The following KIAA1586 variants were observed in gnomAD, a reference collection of about 807,000 sequenced individuals.
KIAA1586 encodes KIAA1586, also known as E3 SUMO-protein ligase KIAA1586.
KIAA1586 carries 5 observed loss-of-function variants against 6.1 expected under a neutral mutation model. That is an observed-to-expected ratio of 0.82 (90% CI 0.43 to 1.73). The LOEUF (loss-of-function observed/expected upper bound fraction) is 1.73, where lower values mean the gene tolerates loss of function less well. Among genes scored for constraint, KIAA1586 ranks in the 40% most tolerant of loss-of-function variants. The pLI is 0.02. For missense variants in KIAA1586, 899 were observed against 878.2 expected, an observed-to-expected ratio of 1.02 and a Z score of -0.30; for synonymous variants, 280 against 301.7, an observed-to-expected ratio of 0.93 and a Z score of 0.75.
chr6:57,050,970 T>A (rs530595852), intron 3 of KIAA1586, 116 bp downstream of exon 3: 1 of 722,248 alleles, frequency 1.4e-6, no homozygotes, highest in East Asian at 3.0e-5. Flanking sequence ...TGGCTCTCGC[T>A]TGTAATCCCA....
chr6:57,056,076 T>C (rs867923057), downstream of KIAA1586, among the ~76,000 whole-genome samples: 1 of 151,248 alleles, frequency 6.6e-6, no homozygotes, highest in Non-Finnish European at 1.5e-5. Context: ...CGAGACAGAG[T>C]CTTGTGGTGT....
rs1828383330 is a variant in KIAA1586, at chr6:57,053,196, A to G, written c.697A>G (p.Asn233Asp). ...GGAATCAACTAATGATTCAATTTGT[A>G]ATTTAGTGCATAAACAAAATAATAA... ...LKESTNDSICNLVHKQNNKNI... is the reference protein window; with the variant it reads ...LKESTNDSICDLVHKQNNKNI... The change falls in exon 4 of 4, where the codon AAT (asparagine) becomes GAT (aspartate). Residue 233 changes from asparagine (N) to aspartate (D), a missense_variant. Coordinates refer to ENST00000370733, the MANE Select transcript of KIAA1586 (RefSeq NM_020931.4). 5 of 1,605,332 alleles carry G rather than the reference A, an allele frequency of 3.1e-6. No homozygotes were observed. Among genetic ancestry groups the G allele is most frequent in the Middle Eastern group, 1.7e-4 (1 of 5,984 alleles).
downstream of KIAA1586, among the ~76,000 whole-genome samples, chr6:57,058,379 C>A (rs1828526027): frequency 6.6e-6 from 1 of 152,130 alleles, no homozygotes; most frequent in African/African-American, 2.4e-5. Context: ...TGGTACAAAT[C>A]AACACCAGCT....
At chr6:57,061,577 G>A in the KIAA1586 span, among the ~76,000 whole-genome samples, 1 of 151,808 alleles carries the variant, frequency 6.6e-6, no homozygotes. Flanking sequence ...ATTATTTGTA[G>A]AGACGGGGTC....
In KIAA1586 at chr6:57,053,647, A is replaced by T. The variant is rs1241285738; in HGVS notation, c.1148A>T (p.Asn383Ile). 1 of 1,611,534 alleles carries T rather than the reference A, an allele frequency of 6.2e-7. No individual in the cohort carries two copies. The highest frequency in any genetic ancestry group is 8.5e-7 in the Non-Finnish European group (1 of 1,178,206). The part of the protein sequence containing the change: ...CGFTNEYLKA[N>I]LIAFCSDGAN... Reference sequence around the variant, plus strand: ...TTTACAAATGAATATTTGAAAGCAAATTTAATTGCATTTTGTTCTGATGGT... The same window carrying T: ...TTTACAAATGAATATTTGAAAGCAATTTTAATTGCATTTTGTTCTGATGGT... The change falls in exon 4 of 4, where the codon AAT (asparagine) becomes ATT (isoleucine). Residue 383 changes from asparagine to isoleucine, a missense_variant. By Grantham distance (149) the Asn-to-Ile change is moderately radical (BLOSUM62 -3). Transcript: ENST00000370733.
In KIAA1586 at chr6:57,053,776, C is replaced by A; in HGVS notation, c.1277C>A (p.Ser426Ter). 1 of 1,575,596 alleles carries A rather than the reference C, an allele frequency of 6.3e-7. No individual in the cohort carries two copies. Among genetic ancestry groups the A allele is most frequent in the South Asian group, 1.2e-5 (1 of 84,710 alleles). Residue 426 changes from serine (S) to a stop codon, truncating the protein, a stop_gained, in exon 4 of 4, where the codon TCA becomes TAA. Coordinates refer to ENST00000370733, the MANE Select transcript of KIAA1586 (RefSeq NM_020931.4). LOFTEE classifies it low-confidence loss of function (END_TRUNC). Reference sequence around the variant, plus strand: ...TGTTTAAATCATCGATTACAATTGTCACTTGATGATTCTATATCCGAAATA... The same window carrying A: ...TGTTTAAATCATCGATTACAATTGTAACTTGATGATTCTATATCCGAAATA... Reference protein sequence around the residue: ...WNCLNHRLQLSLDDSISEIKQ... With the variant: ...WNCLNHRLQL
intron 2 of KIAA1586, among the ~76,000 whole-genome samples, chr6:57,050,532 T>C (rs766685334): frequency 6.6e-6 from 1 of 151,012 alleles, no homozygotes; most frequent in Non-Finnish European, 1.5e-5. Flanking sequence ...CCCAGGCTGA[T>C]CTTGAACTTC....
At chr6:57,051,035 G>C (rs548470012) in intron 3 of KIAA1586, among the ~76,000 whole-genome samples, 181 bp downstream of exon 3, 1 of 151,806 alleles carries the variant, frequency 6.6e-6, no homozygotes, top group East Asian at 1.9e-4. Flanking sequence ...TTCGAGACCA[G>C]CCTGGCCAGC....
At chr6:57,064,058 A>G in the KIAA1586 span, among the ~76,000 whole-genome samples, 2 of 152,198 alleles carry the variant, frequency 1.3e-5, no homozygotes, top group Non-Finnish European at 2.9e-5. Flanking sequence ...TAAGGGAGCA[A>G]CAGGCTTGCT....
chr6:57,054,429 ATAACT>A lies in KIAA1586; in HGVS notation c.1932_1936del (p.Ser646MetfsTer5). 6.2e-7 allele frequency: 1 copy of A among 1,609,782 alleles called. No homozygotes were observed. Among genetic ancestry groups the A allele is most frequent in the Admixed American group, 1.7e-5 (1 of 59,288 alleles). ...ACCTTCCACATGGCCTTATGAAGAA[ATAACT>A]TCACCATGGATAGCTGGTGAAAAAA... On this transcript the variant is annotated frameshift_variant, in exon 4 of 4. Coordinates refer to ENST00000370733, the MANE Select transcript of KIAA1586 (RefSeq NM_020931.4). LOFTEE classifies it low-confidence loss of function (END_TRUNC).
At chr6:57,051,460 A>G (rs1828323157) in intron 3 of KIAA1586, among the ~76,000 whole-genome samples, 2 of 151,700 alleles carry the variant, frequency 1.3e-5, no homozygotes, top group Admixed American at 1.3e-4. Context: ...CTGCTGCAGT[A>G]TTGATAGAAC....
chr6:57,062,581 A>G, the KIAA1586 span, among the ~76,000 whole-genome samples: 1 of 152,214 alleles, frequency 6.6e-6, no homozygotes, highest in Non-Finnish European at 1.5e-5. Context: ...TGAGATGGCC[A>G]GCAATAGTTT....
At chr6:57,052,482 TGTTG>T (rs1237980617) in intron 3 of KIAA1586, among the ~76,000 whole-genome samples, 200 bp from the exon 4 acceptor site, 1 of 152,166 alleles carries the variant, frequency 6.6e-6, no homozygotes, top group East Asian at 1.9e-4. Context: ...GTGAAACTGT[TGTTG>T]GTTGTAGAAT....
At chr6:57,057,629 C>T (rs1438018837), downstream of KIAA1586, among the ~76,000 whole-genome samples, 1 of 152,022 alleles carries the variant, frequency 6.6e-6, no homozygotes, top group African/African-American at 2.4e-5. Context: ...TGGCAGGTGC[C>T]TGTAGTCCCA....
rs759630426 is a variant in KIAA1586, at chr6:57,054,596, C to T, written c.2097C>T (p.Thr699=). Residue 699 remains threonine (T), a synonymous_variant, in exon 4 of 4, where the codon ACC becomes ACT. Transcript: ENST00000370733. ...TIYKAKKIVS[T]IAINSAEAER... Reference sequence around the variant, plus strand: ...ACAAAGCTAAAAAGATAGTTAGCACCATTGCAATCAATAGTGCTGAAGCTG... The same window carrying T: ...ACAAAGCTAAAAAGATAGTTAGCACTATTGCAATCAATAGTGCTGAAGCTG... 4.4e-6 allele frequency: 7 copies of T among 1,605,604 alleles called. No individual in the cohort carries two copies. Among genetic ancestry groups the T allele is most frequent in the Non-Finnish European group, 5.1e-6 (6 of 1,174,740 alleles).
At chr6:57,056,597 G>GACTGCAGTGGCTC (rs1271766015), downstream of KIAA1586, among the ~76,000 whole-genome samples, 2 of 149,912 alleles carry the variant, frequency 1.3e-5, no homozygotes, top group Non-Finnish European at 3.0e-5. Flanking sequence ...ACCCAAGCTG[G>GACTGCAGTGGCTC]ACTGCAGTGG....
Position 57,054,555 on chromosome 6 carries a change from A to T in KIAA1586, c.2056A>T (p.Ile686Phe). 1 of 1,604,706 alleles carries T rather than the reference A, an allele frequency of 6.2e-7. No homozygotes were observed. Among genetic ancestry groups the T allele is most frequent in the Non-Finnish European group, 8.5e-7 (1 of 1,175,190 alleles). ...NNNIKSNNVS[I>F]PTTIYKAKKI... ...TAATATAAAATCAAACAATGTTTCA[A>T]TTCCTACAACTATATACAAAGCTAA... The change falls in exon 4 of 4, where the codon ATT (isoleucine) becomes TTT (phenylalanine). Residue 686 changes from isoleucine to phenylalanine, a missense_variant. Transcript: ENST00000370733.
downstream of KIAA1586, among the ~76,000 whole-genome samples, chr6:57,058,794 A>G (rs1439219268): frequency 6.6e-6 from 1 of 152,158 alleles, no homozygotes; most frequent in African/African-American, 2.4e-5. Context: ...TGTAAAAAAT[A>G]AGAAAAAATT....
intron 1 of KIAA1586, 189 bp downstream of exon 1, chr6:57,046,965 G>T: frequency 1.3e-6 from 1 of 779,468 alleles, no homozygotes; most frequent in Non-Finnish European, 1.9e-6. Flanking sequence ...TGGCCGCCCG[G>T]CCCCCCGCAC....
Sources: allele counts gnomAD v4.1 joint callset (sites outside exome capture counted in the v4.1 genomes callset), GRCh38; gene constraint gnomAD v4.1.1; transcripts MANE v1.5; gene names NCBI Gene and HGNC (gene_info 2026-07-23, HGNC 2026-07-21).